CIMAP1B: variants seen among roughly 807,000 people sequenced by gnomAD.
The protein encoded by CIMAP1B is orf2 5' to PD-ECGF/TP.
chr22:50,530,893 C>G, the CIMAP1B span: 4 of 1,608,208 alleles, frequency 2.5e-6, no homozygotes, highest in Non-Finnish European at 3.4e-6. Flanking sequence ...CCTCCACTGC[C>G]GCGGACCAGG....
the CIMAP1B span, chr22:50,531,987 TG>T: frequency 7.5e-7 from 1 of 1,342,042 alleles, no homozygotes; most frequent in Non-Finnish European, 9.6e-7. Context: ...GGCGGCAGCT[TG>T]TATTTGGGCC....
At chr22:50,530,910 C>T in the CIMAP1B span, 5 of 1,609,412 alleles carry the variant, frequency 3.1e-6, 1 homozygote, top group Admixed American at 3.3e-5. Context: ...CAGGGACCCC[C>T]TGCGTCCGCC....
the CIMAP1B span, chr22:50,532,135 C>A: frequency 7.5e-7 from 1 of 1,329,026 alleles, no homozygotes. Flanking sequence ...GCGGTGGCCG[C>A]GGCCCCTGCA....
the CIMAP1B span, chr22:50,531,357 G>T: frequency 1.5e-6 from 2 of 1,357,808 alleles, no homozygotes; most frequent in East Asian, 2.3e-5. Context: ...GGGTACCCGA[G>T]ATGGGGTCCT....
the CIMAP1B span, chr22:50,530,747 G>C: frequency 2.0e-4 from 330 of 1,610,680 alleles, 2 homozygotes; most frequent in South Asian, 3.5e-3. Context: ...CCTGGCTTCC[G>C]AGTGTTGTCT....
the CIMAP1B span, chr22:50,532,251 C>T: frequency 1.1e-6 from 1 of 914,334 alleles, no homozygotes; most frequent in Non-Finnish European, 1.4e-6. Flanking sequence ...CGCGAGCTTC[C>T]TTCCCGGCTG....
chr22:50,530,997 G>A, the CIMAP1B span: 1 of 1,611,172 alleles, frequency 6.2e-7, no homozygotes. Flanking sequence ...AGCAAGTTGG[G>A]GCGGAGACTT....
the CIMAP1B span, chr22:50,531,627 C>G: frequency 7.2e-7 from 1 of 1,386,938 alleles, no homozygotes; most frequent in Non-Finnish European, 9.3e-7. Flanking sequence ...ATGGAGTAGG[C>G]GGGGGCGCCG....
chr22:50,531,761 T>C, the CIMAP1B span: 3 of 1,371,638 alleles, frequency 2.2e-6, no homozygotes, highest in South Asian at 1.8e-5. Context: ...CGACGGGTCA[T>C]GCAGGGCGTA....
At chr22:50,531,669 C>T in the CIMAP1B span, 1 of 1,370,488 alleles carries the variant, frequency 7.3e-7, no homozygotes, top group Non-Finnish European at 9.4e-7. Flanking sequence ...CGAGCGGGCA[C>T]CAGGTGGCCT....
At chr22:50,532,012 G>C in the CIMAP1B span, 2 of 1,361,082 alleles carry the variant, frequency 1.5e-6, no homozygotes, top group African/African-American at 1.5e-5. Flanking sequence ...GGCCTCCGTA[G>C]TGCGCCGCGA....
At chr22:50,532,159 G>C in the CIMAP1B span, 1 of 1,306,280 alleles carries the variant, frequency 7.7e-7, no homozygotes. Context: ...CAAATTCTTG[G>C]GGAGCGCACT....
At chr22:50,531,913 C>A in the CIMAP1B span, 4 of 1,315,060 alleles carry the variant, frequency 3.0e-6, no homozygotes, top group Non-Finnish European at 3.9e-6. Context: ...GGTCTCTTCC[C>A]CTTCCCTCCC....
At chr22:50,530,949 C>T in the CIMAP1B span, 11 of 1,611,072 alleles carry the variant, frequency 6.8e-6, no homozygotes, top group Admixed American at 1.3e-4. Context: ...TGCTGAGGTC[C>T]TCGAAGAAAC....
the CIMAP1B span, chr22:50,530,897 G>C: frequency 6.2e-6 from 10 of 1,608,600 alleles, no homozygotes; most frequent in South Asian, 1.1e-4. Context: ...CACTGCCGCG[G>C]ACCAGGGACC....
At chr22:50,531,470 G>A in the CIMAP1B span, 2 of 1,120,792 alleles carry the variant, frequency 1.8e-6, no homozygotes, top group African/African-American at 3.2e-5. Context: ...GCGGTGTTAG[G>A]GTATCCGAGG....
the CIMAP1B span, chr22:50,531,238 G>A: frequency 1.2e-6 from 2 of 1,612,108 alleles, no homozygotes; most frequent in South Asian, 2.2e-5. Flanking sequence ...GGGAGCAATG[G>A]TGTGCCGAGG....
chr22:50,530,688 C>T, the CIMAP1B span: 1 of 1,609,862 alleles, frequency 6.2e-7, no homozygotes, highest in Non-Finnish European at 8.5e-7. Flanking sequence ...TGACTCTGAC[C>T]CTTGACCCTG....
the CIMAP1B span, chr22:50,530,499 A>C: frequency 1.2e-6 from 2 of 1,600,256 alleles, no homozygotes; most frequent in African/African-American, 1.3e-5. Flanking sequence ...CGCGTCGGTC[A>C]CCAGCGGGGC....
Sources: allele counts gnomAD v4.1 joint callset, GRCh38; gene constraint gnomAD v4.1.1; transcripts MANE v1.5; gene names NCBI Gene and HGNC (gene_info 2026-07-23, HGNC 2026-07-21).